Variants in MTSS1 observed in about 807,000 individuals in gnomAD.
The protein encoded by MTSS1 is MTSS I-BAR domain containing 1.
Under a neutral mutation model 79.0 loss-of-function variants are expected in MTSS1, and 18 were observed. The observed-to-expected ratio is 0.23, with a 90% CI of 0.16 to 0.34. The LOEUF is 0.34. Ranked by LOEUF, MTSS1 falls within the 10% of genes least tolerant of loss-of-function variation. The pLI is 1.00. For synonymous variants in MTSS1, 341 were observed against 368.6 expected, an observed-to-expected ratio of 0.93 and a Z score of 0.86; for missense variants, 815 against 986.2, an observed-to-expected ratio of 0.83 and a Z score of 2.33.
At chr8:124,556,884 CCT>C (rs1475288141) in intron 11 of MTSS1, among the ~76,000 whole-genome samples, 1 of 152,226 alleles carries the variant, frequency 6.6e-6, no homozygotes, top group Non-Finnish European at 1.5e-5. Flanking sequence ...GGCTCCCTGC[CCT>C]CTCAAGCCCT....
intron 3 of MTSS1, among the ~76,000 whole-genome samples, chr8:124,599,501 A>AG (rs1301875765): frequency 2.9e-4 from 42 of 145,088 alleles, no homozygotes; most frequent in African/African-American, 9.7e-4. Flanking sequence ...AAAAAAAAAA[A>AG]AGAGAGAGAG....
chr8:124,681,130 T>C (rs1393039595), intron 3 of MTSS1, among the ~76,000 whole-genome samples: 2 of 150,418 alleles, frequency 1.3e-5, no homozygotes, highest in Non-Finnish European at 2.9e-5. Context: ...TCCTCCTAAG[T>C]GAAAAGCTGA....
intron 1 of MTSS1, among the ~76,000 whole-genome samples, chr8:124,711,323 T>C (rs1471544218): frequency 6.6e-6 from 1 of 152,146 alleles, no homozygotes; most frequent in Non-Finnish European, 1.5e-5. Context: ...GCATTCTCAC[T>C]GCATGCTCAC....
intron 3 of MTSS1, among the ~76,000 whole-genome samples, chr8:124,633,444 A>G (rs1054443102): frequency 1.1e-4 from 16 of 152,120 alleles, no homozygotes; most frequent in African/African-American, 3.6e-4. Context: ...TTATTCCTAA[A>G]AGGAAAAATT....
Position 124,597,689 on chromosome 8 carries a change from T to C in MTSS1, c.209-6454A>G, listed in dbSNP as rs1156323937. ...GCGAGCGAGGACTGAAAAGACGTTT[T>C]GTCAGGCCCAGCTTCTGCAGCGTGG... On this transcript the variant is annotated intron_variant, in intron 3 of 13. Transcript: ENST00000518547. This position sits in a 1 kb window ranked among gnomAD's most constrained non-coding sequence, Gnocchi z 4.6. Among the ~76,000 whole-genome samples, 1 of 152,214 alleles carries C rather than the reference T, an allele frequency of 6.6e-6. No homozygotes were observed. The highest frequency in any genetic ancestry group is 1.9e-4 in the East Asian group (1 of 5,196).
chr8:124,704,328 C>T, intron 1 of MTSS1, 137 bp from the exon 2 acceptor site: 1 of 762,780 alleles, frequency 1.3e-6, no homozygotes, highest in Non-Finnish European at 2.3e-6. Context: ...AATACGTTTC[C>T]CGGATTCTAT....
In MTSS1 at chr8:124,582,504, G is replaced by A. The variant is rs1199629490; in HGVS notation, c.460+2583C>T. On this transcript the variant is annotated intron_variant, in intron 6 of 13. Coordinates refer to ENST00000518547, the MANE Select transcript of MTSS1 (RefSeq NM_014751.6). The surrounding 1 kb of genome is among the most constrained non-coding windows in gnomAD (Gnocchi z 4.8). ...AAAAGGAGAGTCCAGAGAATTTTTA[G>A]ATCAAAGATCAGAGTTTTTGAAAAA... Among the ~76,000 whole-genome samples the A allele has an allele frequency of 6.6e-6, 1 of 152,008 alleles. No homozygotes were observed. The highest frequency in any genetic ancestry group is 1.5e-5 in the Non-Finnish European group (1 of 68,008).
intron 3 of MTSS1, among the ~76,000 whole-genome samples, chr8:124,645,830 G>A (rs1009107381): frequency 6.6e-6 from 1 of 151,938 alleles, no homozygotes; most frequent in Non-Finnish European, 1.5e-5. Context: ...CAAAACCCTC[G>A]CCCAGCTTCC....
intron 1 of MTSS1, among the ~76,000 whole-genome samples, chr8:124,706,856 C>T (rs74536219): frequency 1.3e-5 from 2 of 152,126 alleles, no homozygotes; most frequent in East Asian, 1.9e-4. Context: ...AACATACATA[C>T]CATTTTTTTA....
intron 1 of MTSS1, among the ~76,000 whole-genome samples, chr8:124,722,970 A>T (rs1034070871): frequency 2.0e-5 from 3 of 152,224 alleles, no homozygotes; most frequent in African/African-American, 2.4e-5. Flanking sequence ...CGAGATGCAA[A>T]TTGGAGATAA....
At chr8:124,572,370 T>TA (rs35961627) in intron 6 of MTSS1, among the ~76,000 whole-genome samples, 5 of 151,656 alleles carry the variant, frequency 3.3e-5, no homozygotes, top group African/African-American at 4.8e-5. Context: ...ATTATATTTA[T>TA]AAAAAAAAAC....
At chr8:124,568,826 C>G (rs1827124568) in intron 6 of MTSS1, 2 of 1,438,798 alleles carry the variant, frequency 1.4e-6, no homozygotes, top group Admixed American at 2.8e-5. Context: ...CCCACCAACT[C>G]TTCTGCCAAC....
intron 10 of MTSS1, among the ~76,000 whole-genome samples, chr8:124,561,311 G>A (rs2131910737): frequency 6.6e-6 from 1 of 152,236 alleles, no homozygotes; most frequent in Non-Finnish European, 1.5e-5. Context: ...CCAGCTACTT[G>A]GGAGGCTGAG....
At chr8:124,635,045 A>C (rs983469812) in intron 3 of MTSS1, among the ~76,000 whole-genome samples, 1 of 152,212 alleles carries the variant, frequency 6.6e-6, no homozygotes, top group African/African-American at 2.4e-5. Flanking sequence ...ATGACTGTCT[A>C]TTCTCCCCAG....
chr8:124,668,796 CT>C (rs529260500), intron 3 of MTSS1, among the ~76,000 whole-genome samples: 2 of 152,206 alleles, frequency 1.3e-5, no homozygotes, highest in Non-Finnish European at 2.9e-5. Flanking sequence ...CCCAAACAAG[CT>C]TTTGCCCAGC....
At chr8:124,577,755 C>T in intron 6 of MTSS1, 1 of 438,372 alleles carries the variant, frequency 2.3e-6, no homozygotes, top group Non-Finnish European at 4.6e-6. Flanking sequence ...CCCTCTGCTC[C>T]TTGTTCTTCC....
intron 3 of MTSS1, among the ~76,000 whole-genome samples, chr8:124,616,406 T>C (rs569826664): frequency 8.0e-5 from 12 of 150,166 alleles, no homozygotes; most frequent in Non-Finnish European, 1.5e-4. Flanking sequence ...TCAGCTTTAT[T>C]ACTTGAGCTC....
At chr8:124,696,619 G>A (rs1040293765) in intron 3 of MTSS1, among the ~76,000 whole-genome samples, 3 of 152,246 alleles carry the variant, frequency 2.0e-5, no homozygotes, top group South Asian at 2.1e-4. Context: ...TTGGAAGGCC[G>A]AGGCAGGTAG....
intron 1 of MTSS1, among the ~76,000 whole-genome samples, chr8:124,712,351 A>G (rs2135612024): frequency 6.6e-6 from 1 of 152,304 alleles, no homozygotes; most frequent in African/African-American, 2.4e-5. Flanking sequence ...GGATGAGCTC[A>G]GCCTTCAGGT....
Sources: gnomAD v4.1 joint callset for allele counts (sites outside exome capture counted in the v4.1 genomes callset) on GRCh38, gnomAD v4.1.1 for gene constraint, Gnocchi (gnomAD v3.1) non-coding constraint, MANE v1.5 for transcripts, NCBI Gene and HGNC (gene_info 2026-07-23, HGNC 2026-07-21) for gene names.